DMD: variants seen among roughly 807,000 people sequenced by gnomAD.
DMD encodes the protein mutant dystrophin.
In DMD, 63 loss-of-function variants were observed where a neutral mutation model predicts 330.1. The ratio of observed to expected loss-of-function variants is 0.19; its 90% CI spans 0.16 to 0.24. The LOEUF (loss-of-function observed/expected upper bound fraction) is 0.24, where lower values mean the gene tolerates loss of function less well. Among genes scored for constraint, DMD ranks in the 10% least tolerant of loss-of-function variants. The probability of loss-of-function intolerance (pLI) is 1.00; values close to 1 mark genes in which losing one functional copy is unlikely to be tolerated. For missense variants in DMD, 3,344 were observed against 2,684.1 expected (o/e 1.25, Z -5.43); for synonymous variants, 1,223 against 959.8 (o/e 1.27, Z -5.07).
At chrX:31,893,452 T>C (rs1415910460) in intron 47 of DMD, among the ~76,000 whole-genome samples, 1 of 111,512 alleles carries the variant, frequency 9.0e-6, no homozygotes. Flanking sequence ...TTGTCCTACA[T>C]TTTTGGCCCC....
rs1557051738 is a variant in DMD at position 32,815,494 on chromosome X, CATAT to C, written c.530+970_530+973del. Among the ~76,000 whole-genome samples, 211 of 71,846 alleles carry C rather than the reference CATAT, an allele frequency of 2.9e-3. 9 individuals carry two copies. In the East Asian group the frequency reaches 0.066, roughly 23 times the overall value. The allele number at this position is 71,846 out of a possible 115,157, so 62.4% of individuals were successfully genotyped here. ...TCTCTCTCAAATACACACACACAAG[CATAT>C]ATATATATATATATATATATATACA... is the stretch of plus-strand genomic sequence containing the variant. On this transcript the variant is annotated intron_variant, in intron 6 of 78. Transcript: ENST00000357033.
At position 32,921,407 on chromosome X, in the gene DMD, A is replaced by G. The variant is rs58747835; in HGVS notation, c.94-71587T>C. On this transcript the variant is annotated intron_variant, in intron 2 of 78. Transcript: ENST00000357033. ...TTCCTGAGTAGATAAGTGCAAACTA[A>G]AAGACATAGTTTCATAGTTTTTCAC... 0.012 allele frequency among the ~76,000 whole-genome samples: 1,392 copies of G among 112,185 alleles called. 50 individuals carry two copies. In the East Asian group the frequency reaches 0.13, roughly 11 times the overall value.
chrX:32,834,102 G>T (rs181048355), intron 4 of DMD, among the ~76,000 whole-genome samples: 1 of 110,916 alleles, frequency 9.0e-6, no homozygotes, highest in Non-Finnish European at 1.9e-5. Flanking sequence ...AATGCATTTC[G>T]CAGATGATAA....
At chrX:33,038,206 T>C (rs1042729229) in intron 1 of DMD, among the ~76,000 whole-genome samples, 1 of 112,027 alleles carries the variant, frequency 8.9e-6, no homozygotes, top group African/African-American at 3.2e-5. Context: ...TGCATGAAAT[T>C]GTGATTTTAT....
intron 61 of DMD, among the ~76,000 whole-genome samples, chrX:31,336,903 C>T (rs1215479747): frequency 9.4e-6 from 1 of 106,331 alleles, no homozygotes; most frequent in Non-Finnish European, 1.9e-5. Context: ...GTCTGTTGTT[C>T]CATGTTATTC....
rs368641569 is a variant in DMD, at chrX:32,094,776, A to G, written c.6438+122140T>C. ...AGCCAAGAAATGGTGTTCATTTTCA[A>G]GTATCTTTACTCAAGCTAAGTCTGT... On this transcript the variant is annotated intron_variant, in intron 44 of 78. Transcript: ENST00000357033. 3.6e-5 allele frequency among the ~76,000 whole-genome samples: 4 copies of G among 112,148 alleles called. No individual in the cohort carries two copies. In the East Asian group the frequency reaches 8.5e-4, roughly 24 times the overall value.
At chrX:31,207,521 A>T (rs771706585) in intron 65 of DMD, among the ~76,000 whole-genome samples, 2 of 112,446 alleles carry the variant, frequency 1.8e-5, no homozygotes, top group Non-Finnish European at 3.8e-5. Flanking sequence ...AATATGGTAC[A>T]TATACACTAT....
rs2063899450 is a variant in DMD at position 32,699,242 on chromosome X, G to A, written c.701C>T (p.Ser234Leu). The A allele has an allele frequency of 8.3e-7, 1 of 1,207,844 alleles. No homozygotes were observed. The highest frequency in any genetic ancestry group is 2.2e-5 in the Admixed American group (1 of 45,666). ...DKKSILMYITSLFQVLPQQVS... is the reference protein window; with the variant it reads ...DKKSILMYITLLFQVLPQQVS... ...TTGTTGAGGCAAAACTTGGAAGAGT[G>A]ATGTGATGTACATTAAGATGGACTT... The change falls in exon 8 of 79, where the codon TCA (serine) becomes TTA (leucine). Residue 234 changes from serine to leucine, a missense_variant. Ser to Leu is a moderately radical substitution (Grantham distance 145). Coordinates refer to ENST00000357033, the MANE Select transcript of DMD (RefSeq NM_004006.3).
At chrX:32,789,553 G>A (rs1309758769) in intron 7 of DMD, among the ~76,000 whole-genome samples, 1 of 111,850 alleles carries the variant, frequency 8.9e-6, no homozygotes, top group African/African-American at 3.3e-5. Context: ...TTCCCCAACC[G>A]ATTTTATTGG....
At chrX:31,777,654 G>C (rs1351060058) in intron 50 of DMD, among the ~76,000 whole-genome samples, 2 of 111,131 alleles carry the variant, frequency 1.8e-5, no homozygotes, top group African/African-American at 6.5e-5. Context: ...GCATCTTGAG[G>C]TAAGGAATTA....
In DMD at chrX:32,310,280, G is replaced by C. The variant is rs780118536; in HGVS notation, c.5923-4C>G. 2.5e-6 allele frequency: 3 copies of C among 1,202,489 alleles called. No homozygotes were observed. The Admixed American group carries it at 6.6e-5, about 26-fold the overall frequency. ...TCGTTTCTTCACGGACAGTGTGCTG[G>C]TATAGATATACAAAAGAACAATTTT... On this transcript the variant is annotated splice_region_variant and splice_polypyrimidine_tract_variant and intron_variant, in intron 41 of 78. Transcript: ENST00000357033.
rs2042997758 is a variant in DMD, at chrX:32,491,528, A to C, written c.2381-10T>G. On this transcript the variant is annotated splice_polypyrimidine_tract_variant and intron_variant, in intron 19 of 78. Coordinates refer to ENST00000357033, the MANE Select transcript of DMD (RefSeq NM_004006.3). ...TCTGCATTAACACCCTCTAGAAAGA[A>C]AAAAATAATTAAATATATCCCCTGA... is the stretch of plus-strand genomic sequence containing the variant. 8.3e-7 allele frequency: 1 copy of C among 1,200,654 alleles called. No individual in the cohort carries two copies. Among genetic ancestry groups the C allele is most frequent in the Admixed American group, 2.2e-5 (1 of 45,436 alleles).
At chrX:32,952,354 G>A (rs1049416193) in intron 2 of DMD, among the ~76,000 whole-genome samples, 12 of 110,424 alleles carry the variant, frequency 1.1e-4, no homozygotes, top group Non-Finnish European at 2.3e-4. Flanking sequence ...GGCTGGTCTT[G>A]AACTCCTGAC....
intron 1 of DMD, among the ~76,000 whole-genome samples, chrX:33,172,338 T>G (rs1440077427): frequency 8.9e-6 from 1 of 111,736 alleles, no homozygotes; most frequent in Non-Finnish European, 1.9e-5. Context: ...AGTTTTTATT[T>G]ACTCATTTTT....
intron 1 of DMD, among the ~76,000 whole-genome samples, chrX:33,129,325 C>CTTTTTTTTT (rs58505662): frequency 0.014 from 438 of 30,707 alleles, 129 homozygotes; most frequent in Non-Finnish European, 0.016. Context: ...TTAAGGTTTG[C>CTTTTTTTTT]TTTTTTTTTT....
intron 44 of DMD, among the ~76,000 whole-genome samples, chrX:32,059,713 A>G (rs1268662051): frequency 9.0e-5 from 10 of 111,434 alleles, no homozygotes; most frequent in Non-Finnish European, 1.7e-4. Context: ...CAGCATGCAC[A>G]GGGATAAAAC....
chrX:32,108,885 A>AG (rs2096576823), intron 44 of DMD, among the ~76,000 whole-genome samples: 1 of 111,662 alleles, frequency 9.0e-6, no homozygotes, highest in Non-Finnish European at 1.9e-5. Context: ...GTTATAAAAG[A>AG]GCAGTATCTT....
intron 17 of DMD, among the ~76,000 whole-genome samples, chrX:32,529,263 C>G (rs1399880176): frequency 9.2e-6 from 1 of 108,420 alleles, no homozygotes; most frequent in Non-Finnish European, 1.9e-5. Flanking sequence ...ATTGATGTCT[C>G]ATGCCTCCCT....
At chrX:33,177,461 T>C (rs2049730593) in intron 1 of DMD, among the ~76,000 whole-genome samples, 1 of 111,984 alleles carries the variant, frequency 8.9e-6, no homozygotes, top group Non-Finnish European at 1.9e-5. Context: ...CTCGGCTCAC[T>C]GCAACTGCCG....
Sources: allele counts gnomAD v4.1 joint callset (sites outside exome capture counted in the v4.1 genomes callset), GRCh38; gene constraint gnomAD v4.1.1; transcripts MANE v1.5; gene names NCBI Gene and HGNC (gene_info 2026-07-23, HGNC 2026-07-21).